The following IFT80 variants were observed in gnomAD, a reference collection of about 807,000 sequenced individuals.
The protein encoded by IFT80 is intraflagellar transport 80.
IFT80 carries 79 observed loss-of-function variants against 107.9 expected under a neutral mutation model. The observed-to-expected ratio is 0.73, with a 90% CI of 0.61 to 0.88. The LOEUF (loss-of-function observed/expected upper bound fraction) is 0.88. Among genes scored for constraint, IFT80 ranks in the 40% least tolerant of loss-of-function variants. IFT80 has a pLI of 0.00. For missense variants in IFT80, 797 were observed against 914.2 expected, an observed-to-expected ratio of 0.87 and a Z score of 1.65; for synonymous variants, 299 against 300.9, an observed-to-expected ratio of 0.99 and a Z score of 0.07.
At chr3:160,302,085 A>T (rs1290092797) in intron 11 of IFT80, among the ~76,000 whole-genome samples, 2 of 152,026 alleles carry the variant, frequency 1.3e-5, no homozygotes, top group African/African-American at 4.8e-5. Context: ...CACACATACT[A>T]TGGCTATATT....
chr3:160,343,876 C>A, intron 8 of IFT80: 2 of 234,880 alleles, frequency 8.5e-6, no homozygotes, highest in Non-Finnish European at 1.8e-5. Flanking sequence ...GGGCAAGTAC[C>A]TGGCATCTAA....
chr3:160,383,746 A>G, intron 2 of IFT80: 1 of 985,336 alleles, frequency 1.0e-6, no homozygotes, highest in South Asian at 4.7e-5. Context: ...TTGACACATA[A>G]CTGGGGACTC....
chr3:160,314,084 T>C (rs1717611314), intron 9 of IFT80, among the ~76,000 whole-genome samples: 1 of 152,246 alleles, frequency 6.6e-6, no homozygotes, highest in Admixed American at 6.5e-5. Context: ...CATTTAATCC[T>C]ATAGCTATAA....
Position 160,319,941 on chromosome 3 carries a change from TG to T in IFT80, c.778-3del, listed in dbSNP as rs759438893. 6.2e-7 allele frequency: 1 copy of T among 1,608,430 alleles called. No homozygotes were observed. Among genetic ancestry groups the T allele is most frequent in the Admixed American group, 1.7e-5 (1 of 59,598 alleles). ...GGGTTTTTCTAATGCATATGACCAC[TG>T]GGGGAGAAAAAACAAGAAAAAGATG... On this transcript the variant is annotated splice_region_variant and splice_polypyrimidine_tract_variant and intron_variant, in intron 8 of 19. Transcript: ENST00000326448.
intron 5 of IFT80, 150 bp from the exon 6 acceptor site, chr3:160,366,302 A>C (rs995212040): frequency 1.4e-5 from 9 of 646,644 alleles, no homozygotes; most frequent in Admixed American, 2.7e-5. Context: ...TAGAGTATAT[A>C]GTCTGATGTT....
intron 8 of IFT80, among the ~76,000 whole-genome samples, chr3:160,345,238 G>A (rs1441330961): frequency 1.3e-5 from 2 of 152,126 alleles, no homozygotes; most frequent in East Asian, 1.9e-4. Flanking sequence ...ATACACAATG[G>A]AGTACTATTC....
At chr3:160,377,345 C>A in intron 4 of IFT80, 85 bp downstream of exon 4, 1 of 788,480 alleles carries the variant, frequency 1.3e-6, no homozygotes, top group Non-Finnish European at 2.3e-6. Context: ...ATGAAAGACA[C>A]TATTGCTAAA....
At chr3:160,293,239 A>G (rs1334198252) in intron 12 of IFT80, among the ~76,000 whole-genome samples, 1 of 152,220 alleles carries the variant, frequency 6.6e-6, no homozygotes, top group Non-Finnish European at 1.5e-5. Context: ...CCTGCCTGGA[A>G]CTTGACAAAC....
At chr3:160,274,775 C>G (rs1714112105) in intron 18 of IFT80, among the ~76,000 whole-genome samples, 1 of 152,168 alleles carries the variant, frequency 6.6e-6, no homozygotes, top group African/African-American at 2.4e-5. Context: ...CCCGTCTCTA[C>G]TACAAGTACA....
chr3:160,315,491 C>T (rs1717753433), intron 9 of IFT80, among the ~76,000 whole-genome samples: 1 of 152,146 alleles, frequency 6.6e-6, no homozygotes, highest in Non-Finnish European at 1.5e-5. Flanking sequence ...TTTGCAGCTA[C>T]CTACTTAGGA....
At chr3:160,316,800 T>C (rs1717855605) in intron 9 of IFT80, among the ~76,000 whole-genome samples, 1 of 152,154 alleles carries the variant, frequency 6.6e-6, no homozygotes, top group Non-Finnish European at 1.5e-5. Flanking sequence ...AAAAGCACTC[T>C]TTCCGCTGAA....
At chr3:160,349,427 T>C (rs931740530) in intron 8 of IFT80, among the ~76,000 whole-genome samples, 2 of 150,988 alleles carry the variant, frequency 1.3e-5, no homozygotes, top group Non-Finnish European at 3.0e-5. Context: ...CCAGCCTGGG[T>C]AACAGAGCTA....
At chr3:160,263,155 C>G (rs1326843135) in intron 19 of IFT80, among the ~76,000 whole-genome samples, 1 of 151,866 alleles carries the variant, frequency 6.6e-6, no homozygotes, top group Non-Finnish European at 1.5e-5. Flanking sequence ...CTATCAGCTG[C>G]CCACACTAGA....
In IFT80 at chr3:160,309,280, T is replaced by A. The variant is rs557107606; in HGVS notation, c.958-1499A>T. ...TAATAGCAAAAGACTGGAAATAGCC[T>A]AAATGTCTATTGATAAGGGACAGGT... is the stretch of plus-strand genomic sequence containing the variant. On this transcript the variant is annotated intron_variant, in intron 9 of 19. Coordinates refer to ENST00000326448, the MANE Select transcript of IFT80 (RefSeq NM_020800.3). Among the ~76,000 whole-genome samples the A allele has an allele frequency of 3.3e-5, 5 of 152,306 alleles. No homozygotes were observed. In the East Asian group the frequency reaches 9.6e-4, roughly 29 times the overall value.
chr3:160,393,470 TC>T (rs1259565749), intron 1 of IFT80, among the ~76,000 whole-genome samples: 1 of 152,090 alleles, frequency 6.6e-6, no homozygotes, highest in African/African-American at 2.4e-5. Context: ...CCTAGAGTAG[TC>T]AAATTCATAG....
intron 8 of IFT80, among the ~76,000 whole-genome samples, chr3:160,329,851 C>T (rs1322841226): frequency 2.0e-5 from 3 of 151,700 alleles, no homozygotes; most frequent in Non-Finnish European, 4.4e-5. Flanking sequence ...ATCTGTCTTT[C>T]GTTATAGGGT....
chr3:160,308,296 T>C (rs1385262782), intron 9 of IFT80, among the ~76,000 whole-genome samples: 1 of 151,774 alleles, frequency 6.6e-6, no homozygotes, highest in Non-Finnish European at 1.5e-5. Context: ...CTGCAGGGAG[T>C]GGGGAAAGGT....
At position 160,320,501 on chromosome 3, in the gene IFT80, C is replaced by T. The variant is rs547274394; in HGVS notation, c.778-562G>A. On this transcript the variant is annotated intron_variant, in intron 8 of 19. Transcript: ENST00000326448. ...CTATCTAACTGTCTGAGAAAGTTAT[C>T]TAGAGATATCAATAAGCATTAAATA... 5.3e-5 allele frequency among the ~76,000 whole-genome samples: 8 copies of T among 151,438 alleles called. 1 individual carries two copies. The East Asian group carries it at 1.5e-3, about 29-fold the overall frequency.
chr3:160,288,753 A>G (rs1182088035), intron 12 of IFT80, among the ~76,000 whole-genome samples: 1 of 152,252 alleles, frequency 6.6e-6, no homozygotes, highest in East Asian at 1.9e-4. Flanking sequence ...CAAAACCACA[A>G]TGAGATACCA....
Sources: gnomAD v4.1 joint callset for allele counts (sites outside exome capture counted in the v4.1 genomes callset) on GRCh38, gnomAD v4.1.1 for gene constraint, MANE v1.5 for transcripts, NCBI Gene and HGNC (gene_info 2026-07-23, HGNC 2026-07-21) for gene names.